SPG7: variants seen among roughly 807,000 people sequenced by gnomAD.
The protein encoded by SPG7 is SPG7 matrix AAA peptidase subunit, paraplegin.
SPG7 carries 103 observed loss-of-function variants against 81.9 expected under a neutral mutation model. That is an observed-to-expected ratio of 1.26 (90% CI 1.07 to 1.48). The LOEUF (loss-of-function observed/expected upper bound fraction) is 1.48. SPG7 is among the 40% of genes most tolerant of loss of function. The pLI is 0.00. For synonymous variants in SPG7, 534 were observed against 444.2 expected (o/e 1.20, Z -2.54); for missense variants, 1,241 against 1,087.3 (o/e 1.14, Z -1.99).
intron 4 of SPG7, 97 bp from the exon 5 acceptor site, chr16:89,526,232 G>C: frequency 7.1e-7 from 1 of 1,408,626 alleles, no homozygotes; most frequent in Non-Finnish European, 1.0e-6. Context: ...TGCTGAGGTT[G>C]TCATTACCAT....
intron 2 of SPG7, among the ~76,000 whole-genome samples, chr16:89,511,733 T>C (rs55952217): frequency 0.43 from 65,774 of 151,988 alleles, 14,775 homozygotes; most frequent in East Asian, 0.67. Flanking sequence ...CCTATTTTTA[T>C]TATTTTTTAT....
chr16:89,543,416 C>T (rs1169673807), intron 9 of SPG7: 1 of 145,104 alleles, frequency 6.9e-6, no homozygotes, highest in Non-Finnish European at 1.5e-5. Context: ...AATCTCGGTT[C>T]ACTGTAACCT....
chr16:89,556,000 G>A (rs1403543831), intron 16 of SPG7: 2 of 398,648 alleles, frequency 5.0e-6, no homozygotes, highest in South Asian at 1.3e-4. Flanking sequence ...GCCTGCCTGT[G>A]GACCCATGCT....
intron 10 of SPG7, 178 bp from the exon 11 acceptor site, chr16:89,546,480 C>G (rs566289557): frequency 1.3e-5 from 8 of 624,832 alleles, no homozygotes; most frequent in African/African-American, 3.6e-5. Flanking sequence ...GAGTTCGAGA[C>G]CAGCCTAGCC....
At chr16:89,519,550 T>G (rs2058156664) in intron 3 of SPG7, 1 of 150,744 alleles carries the variant, frequency 6.6e-6, no homozygotes. Context: ...CTGGCTGATT[T>G]TTTGTATTTT....
rs747503698 is a variant in SPG7, at chr16:89,553,952, A to AT, written c.2096dup (p.Met699IlefsTer4). On this transcript the variant is annotated frameshift_variant, in exon 15 of 17. Transcript: ENST00000645818. LOFTEE classifies it high-confidence loss of function. Reference sequence around the variant, plus strand: ...CTTCAGCCAAGGCCTGCAGCAGATGATGGACCATGTGAGTCGGCTCTGGCC... The same window carrying AT: ...CTTCAGCCAAGGCCTGCAGCAGATGATTGGACCATGTGAGTCGGCTCTGGCC... 100 of 1,611,406 alleles carry AT rather than the reference A, an allele frequency of 6.2e-5. No homozygotes were observed. Among genetic ancestry groups the AT allele is most frequent in the Non-Finnish European group, 8.2e-5 (97 of 1,179,964 alleles).
intron 5 of SPG7, chr16:89,529,122 T>C: frequency 2.8e-6 from 1 of 357,114 alleles, no homozygotes; most frequent in South Asian, 2.3e-5. Context: ...TGAGATTTGC[T>C]TTTTACTCTT....
At chr16:89,556,213 T>C in intron 16 of SPG7, 1 of 399,244 alleles carries the variant, frequency 2.5e-6, no homozygotes, top group Non-Finnish European at 4.4e-6. Flanking sequence ...AGTGTTTGTC[T>C]CTTGCAATAC....
chr16:89,529,428 G>A, intron 5 of SPG7, 49 bp from the exon 6 acceptor site: 1 of 1,279,926 alleles, frequency 7.8e-7, no homozygotes, highest in South Asian at 1.2e-5. Flanking sequence ...GCCTGCGTCT[G>A]TCACGTGACA....
In SPG7 at chr16:89,554,552, A is replaced by G. The variant is rs2058668088; in HGVS notation, c.2170A>G (p.Lys724Glu). ...GAAGGTGCTGCAGGACAACCTGGAC[A>G]AGTTGCAGGCGGTGAGGCCCTGGCC... ...TEKVLQDNLD[K>E]LQALANALLE... Residue 724 changes from lysine (K) to glutamate (E), a missense_variant, in exon 16 of 17, where the codon AAG becomes GAG. Physicochemically the swap from Lys to Glu is moderately conservative, Grantham distance 56. Coordinates refer to ENST00000645818, the MANE Select transcript of SPG7 (RefSeq NM_003119.4). 2 of 1,608,834 alleles carry G rather than the reference A, an allele frequency of 1.2e-6. No individual in the cohort carries two copies. Among genetic ancestry groups the G allele is most frequent in the African/African-American group, 2.7e-5 (2 of 74,844 alleles).
At chr16:89,531,826 C>T in intron 7 of SPG7, 78 bp from the exon 8 acceptor site, 3 of 1,485,792 alleles carry the variant, frequency 2.0e-6, no homozygotes, top group African/African-American at 1.4e-5. Flanking sequence ...CCTGCGTGAC[C>T]CAGAGAGACC....
At chr16:89,544,268 C>G (rs2058535514) in intron 9 of SPG7, 2 of 304,174 alleles carry the variant, frequency 6.6e-6, no homozygotes, top group African/African-American at 5.0e-5. Flanking sequence ...CAGCCTAAAG[C>G]TGGGTGTTAG....
intron 3 of SPG7, among the ~76,000 whole-genome samples, chr16:89,515,759 G>C (rs2058088262): frequency 6.6e-6 from 1 of 151,124 alleles, no homozygotes; most frequent in African/African-American, 2.4e-5. Context: ...CCAGGCTAGA[G>C]TGCAATGGCA....
intron 6 of SPG7, 182 bp downstream of exon 6, chr16:89,529,761 A>G (rs1045389780): frequency 4.2e-5 from 28 of 661,768 alleles, no homozygotes; most frequent in East Asian, 8.3e-5. Context: ...GTAGTAACCA[A>G]TGTTGCCTGA....
chr16:89,546,730 C>G lies in SPG7; in HGVS notation c.1522C>G (p.Arg508Gly). Residue 508 changes from arginine (R) to glycine (G), a missense_variant, in exon 11 of 17, where the codon CGT (arginine) becomes GGT (glycine). Arg to Gly is a moderately radical substitution (Grantham distance 125). Coordinates refer to ENST00000645818, the MANE Select transcript of SPG7 (RefSeq NM_003119.4). ...LTQSSTFYSQ[R>G]LAELTPGFSG... ...CCAGTCCAGCACCTTTTACTCCCAG[C>G]GTCTGGCAGAGCTGACACCAGGATT... is the stretch of plus-strand genomic sequence containing the variant. The G allele has an allele frequency of 1.2e-6, 2 of 1,613,218 alleles. No homozygotes were observed. Among genetic ancestry groups the G allele is most frequent in the Non-Finnish European group, 1.7e-6 (2 of 1,179,206 alleles).
intron 5 of SPG7, among the ~76,000 whole-genome samples, chr16:89,528,191 C>G (rs1461367856): frequency 1.3e-5 from 2 of 151,672 alleles, no homozygotes; most frequent in African/African-American, 2.4e-5. Flanking sequence ...GAGGTCGAGA[C>G]CATCCTGGCT....
At chr16:89,515,731 T>C (rs1332852031) in intron 3 of SPG7, among the ~76,000 whole-genome samples, 1 of 150,584 alleles carries the variant, frequency 6.6e-6, no homozygotes, top group Non-Finnish European at 1.5e-5. Context: ...TTTTTTGAGA[T>C]GGGGTCTCGC....
At chr16:89,517,876 C>T (rs2058124872) in intron 3 of SPG7, 1 of 152,242 alleles carries the variant, frequency 6.6e-6, no homozygotes, top group Admixed American at 6.6e-5. Context: ...ACCTCGGCCT[C>T]CCAAAGTGCT....
intron 11 of SPG7, 175 bp downstream of exon 11, chr16:89,546,935 A>G (rs879661994): frequency 1.6e-6 from 1 of 633,432 alleles, no homozygotes; most frequent in Non-Finnish European, 2.9e-6. Context: ...CAGGAGGTCC[A>G]GACGGCACCC....
Sources: gnomAD v4.1 joint callset for allele counts (sites outside exome capture counted in the v4.1 genomes callset) on GRCh38, gnomAD v4.1.1 for gene constraint, MANE v1.5 for transcripts, NCBI Gene and HGNC (gene_info 2026-07-23, HGNC 2026-07-21) for gene names.